IFT43: variants seen among roughly 807,000 people sequenced by gnomAD.
The protein encoded by IFT43 is intraflagellar transport 43.
Under a neutral mutation model 32.3 loss-of-function variants are expected in IFT43, and 33 were observed. That is an observed-to-expected ratio of 1.02 (90% CI 0.77 to 1.37). The LOEUF (loss-of-function observed/expected upper bound fraction) is 1.37, where lower values mean the gene tolerates loss of function less well. Ranked by LOEUF, IFT43 falls within the 40% of genes most tolerant of loss-of-function variation. The pLI is 0.00. For synonymous variants in IFT43, 93 were observed against 98.2 expected (o/e 0.95, Z 0.31); for missense variants, 274 against 265.9 (o/e 1.03, Z -0.21).
chr14:76,056,277 A>G (rs2140045161), intron 3 of IFT43, among the ~76,000 whole-genome samples: 1 of 152,324 alleles, frequency 6.6e-6, no homozygotes, highest in South Asian at 2.1e-4. Context: ...ACCTGAGGGC[A>G]TCCCTGCTGC....
At chr14:75,991,013 C>G (rs1367732587) in intron 2 of IFT43, among the ~76,000 whole-genome samples, 1 of 152,218 alleles carries the variant, frequency 6.6e-6, no homozygotes, top group African/African-American at 2.4e-5. Context: ...CTCGTGATCA[C>G]TGGCACCCAG....
At chr14:76,036,155 T>C (rs1183136798) in intron 3 of IFT43, among the ~76,000 whole-genome samples, 1 of 152,180 alleles carries the variant, frequency 6.6e-6, no homozygotes, top group African/African-American at 2.4e-5. Flanking sequence ...TTTTTGTTTG[T>C]TAACCATCAT....
intron 3 of IFT43, among the ~76,000 whole-genome samples, chr14:76,053,578 A>G (rs2036955487): frequency 6.6e-6 from 1 of 152,184 alleles, no homozygotes; most frequent in African/African-American, 2.4e-5. Context: ...AAGGGCCATC[A>G]GCCCGCCGTG....
intron 2 of IFT43, among the ~76,000 whole-genome samples, chr14:76,015,765 A>G (rs891926889): frequency 1.3e-5 from 2 of 152,230 alleles, no homozygotes; most frequent in East Asian, 1.9e-4. Flanking sequence ...TGGTTAAACA[A>G]GATAAAGCTG....
Position 76,039,541 on chromosome 14 carries a change from CT to C in IFT43, c.215+17148del, listed in dbSNP as rs1304785503. Among the ~76,000 whole-genome samples, 5 of 152,086 alleles carry C rather than the reference CT, an allele frequency of 3.3e-5. No homozygotes were observed. The East Asian group carries it at 9.6e-4, about 29-fold the overall frequency. ...AGAAAGGTGGATCATTTCAAGAGGG[CT>C]GGAAGAGAGAAAGGGAGTGGGATGT... On this transcript the variant is annotated intron_variant, in intron 3 of 8. Transcript: ENST00000314067.
At chr14:76,022,493 A>T in intron 3 of IFT43, 99 bp downstream of exon 3, 1 of 724,828 alleles carries the variant, frequency 1.4e-6, no homozygotes, top group Non-Finnish European at 2.5e-6. Context: ...CTTTATTGAG[A>T]AAAAATTTAT....
chr14:76,071,108 T>TGTAGGAACTCCACATCCATA (rs2037313564), intron 5 of IFT43, among the ~76,000 whole-genome samples: 1 of 152,136 alleles, frequency 6.6e-6, no homozygotes, highest in African/African-American at 2.4e-5. Context: ...CACATGCGCG[T>TGTAGGAACTCCACATCCATA]GTAGGAACTC....
chr14:75,990,832 A>G lies in IFT43; in HGVS notation c.147+1855A>G, dbSNP rs988367902. Among the ~76,000 whole-genome samples, 16 of 152,346 alleles carry G rather than the reference A, an allele frequency of 1.1e-4. No individual in the cohort carries two copies. The East Asian group carries it at 3.1e-3, about 29-fold the overall frequency. ...GCCAATTCTTGGCCTCTGGCACTTT[A>G]CACTGTTCCACATGGGTCCAGGAGG... is the stretch of plus-strand genomic sequence containing the variant. On this transcript the variant is annotated intron_variant, in intron 2 of 8. Transcript: ENST00000314067.
At chr14:76,043,503 G>A (rs542585485) in intron 3 of IFT43, among the ~76,000 whole-genome samples, 19 of 151,894 alleles carry the variant, frequency 1.3e-4, no homozygotes, top group African/African-American at 4.6e-4. Flanking sequence ...GTCTCGCTCT[G>A]TCGCCCAGGC....
At chr14:76,004,906 G>A (rs901231648) in intron 2 of IFT43, among the ~76,000 whole-genome samples, 1 of 151,792 alleles carries the variant, frequency 6.6e-6, no homozygotes, top group Admixed American at 6.6e-5. Context: ...TTCCCCATCT[G>A]TTTTTTCCTA....
intron 2 of IFT43, among the ~76,000 whole-genome samples, chr14:75,993,747 C>T (rs1418946134): frequency 6.6e-6 from 1 of 152,150 alleles, no homozygotes; most frequent in Non-Finnish European, 1.5e-5. Flanking sequence ...GAGCCTGTGA[C>T]TTTTGTTCTC....
intron 3 of IFT43, among the ~76,000 whole-genome samples, chr14:76,051,920 C>G (rs1162077592): frequency 6.6e-6 from 1 of 152,204 alleles, no homozygotes; most frequent in African/African-American, 2.4e-5. Context: ...TCACCTGCAA[C>G]AAGTTATAGT....
chr14:76,033,549 AGACT>A (rs1223229242), intron 3 of IFT43, among the ~76,000 whole-genome samples: 3 of 152,188 alleles, frequency 2.0e-5, no homozygotes, highest in Non-Finnish European at 2.9e-5. Context: ...GTGGGAAGAC[AGACT>A]GACTGTTGAG....
intron 1 of IFT43, among the ~76,000 whole-genome samples, chr14:75,988,091 A>G (rs920638184): frequency 6.6e-6 from 1 of 152,256 alleles, no homozygotes; most frequent in Admixed American, 6.5e-5. Context: ...GTATCTGCCC[A>G]TTCTAGAGGA....
intron 1 of IFT43, among the ~76,000 whole-genome samples, chr14:75,986,916 A>G (rs774579757): frequency 2.0e-5 from 3 of 152,170 alleles, no homozygotes; most frequent in Admixed American, 6.5e-5. Flanking sequence ...TTGAGCCCCT[A>G]CTGTGTATCA....
chr14:76,056,594 T>C (rs2037021351), intron 3 of IFT43, among the ~76,000 whole-genome samples: 1 of 152,202 alleles, frequency 6.6e-6, no homozygotes, highest in Non-Finnish European at 1.5e-5. Flanking sequence ...TGGAGACAAA[T>C]ATGTCTCTTA....
intron 3 of IFT43, among the ~76,000 whole-genome samples, chr14:76,048,286 A>G (rs1399055159): frequency 6.6e-6 from 1 of 152,212 alleles, no homozygotes; most frequent in African/African-American, 2.4e-5. Flanking sequence ...CGTATGAAGC[A>G]ATCTTATTGA....
chr14:76,055,815 C>G (rs2037002930), intron 3 of IFT43, among the ~76,000 whole-genome samples: 1 of 152,210 alleles, frequency 6.6e-6, no homozygotes, highest in Non-Finnish European at 1.5e-5. Context: ...CCCACTTTGT[C>G]TTTTTGCCTC....
chr14:75,996,451 T>C lies in IFT43; in HGVS notation c.147+7474T>C, dbSNP rs193051836. Among the ~76,000 whole-genome samples the C allele has an allele frequency of 7.2e-5, 11 of 152,304 alleles. 1 individual carries two copies. The East Asian group carries it at 2.1e-3, about 29-fold the overall frequency. ...CACCTGCTAACTATTATTGTCCTTA[T>C]CTGTATCAAACGAGAATTAGAATGT... On this transcript the variant is annotated intron_variant, in intron 2 of 8. Coordinates refer to ENST00000314067, the MANE Select transcript of IFT43 (RefSeq NM_001102564.3).
Sources: gnomAD v4.1 joint callset for allele counts (sites outside exome capture counted in the v4.1 genomes callset) on GRCh38, gnomAD v4.1.1 for gene constraint, MANE v1.5 for transcripts, NCBI Gene and HGNC (gene_info 2026-07-23, HGNC 2026-07-21) for gene names.